Variants in ZCWPW2 observed in about 807,000 individuals in gnomAD.
ZCWPW2 encodes zinc finger CW-type and PWWP domain containing 2.
ZCWPW2 carries 45 observed loss-of-function variants against 46.6 expected under a neutral mutation model. The ratio of observed to expected loss-of-function variants is 0.96; its 90% CI spans 0.76 to 1.24. The LOEUF (loss-of-function observed/expected upper bound fraction) is 1.24, where lower values mean the gene tolerates loss of function less well. Among genes scored for constraint, ZCWPW2 ranks in the 50% most tolerant of loss-of-function variants. The pLI, the probability that ZCWPW2 is intolerant of heterozygous loss-of-function variation, is 0.00. For missense variants in ZCWPW2, 429 were observed against 403.9 expected, an observed-to-expected ratio of 1.06 and a Z score of -0.53; for synonymous variants, 152 against 137.1, an observed-to-expected ratio of 1.11 and a Z score of -0.76.
chr3:28,369,742 C>T (rs1171501615), intron 1 of ZCWPW2, among the ~76,000 whole-genome samples: 1 of 152,160 alleles, frequency 6.6e-6, no homozygotes, highest in African/African-American at 2.4e-5. Flanking sequence ...TTCGCTATGC[C>T]CTGCCCGCAG....
intron 1 of ZCWPW2, among the ~76,000 whole-genome samples, chr3:28,353,946 G>A (rs1704641700): frequency 1.3e-5 from 2 of 152,154 alleles, no homozygotes; most frequent in Non-Finnish European, 2.9e-5. Context: ...AGGCTTTGCA[G>A]TTATACTCTT....
intron 4 of ZCWPW2, among the ~76,000 whole-genome samples, chr3:28,470,820 A>AT (rs575101705): frequency 4.0e-5 from 6 of 151,774 alleles, no homozygotes; most frequent in South Asian, 2.1e-4. Context: ...CAACAAAACA[A>AT]TTTTTTTTGA....
At position 28,444,417 on chromosome 3, in the gene ZCWPW2, C is replaced by T. The variant is rs368914407; in HGVS notation, c.492+9148C>T. Among the ~76,000 whole-genome samples, 11 of 152,214 alleles carry T rather than the reference C, an allele frequency of 7.2e-5. No homozygotes were observed. The East Asian group carries it at 1.9e-3, about 27-fold the overall frequency. Reference sequence around the variant, plus strand: ...GTCTCAGGCAGTGTAGGGTTTATCTCCTCAGACAAAGGCAGAAAGGATGAT... The same window carrying T: ...GTCTCAGGCAGTGTAGGGTTTATCTTCTCAGACAAAGGCAGAAAGGATGAT... On this transcript the variant is annotated intron_variant, in intron 4 of 9. Transcript: ENST00000383768.
intron 4 of ZCWPW2, among the ~76,000 whole-genome samples, chr3:28,440,741 A>T (rs1697717920): frequency 6.6e-6 from 1 of 152,202 alleles, no homozygotes; most frequent in Non-Finnish European, 1.5e-5. Flanking sequence ...TGCTGTGTGG[A>T]ATACTATGAT....
chr3:28,355,163 C>G (rs540867514), intron 1 of ZCWPW2, among the ~76,000 whole-genome samples: 1 of 152,162 alleles, frequency 6.6e-6, no homozygotes, highest in Non-Finnish European at 1.5e-5. Flanking sequence ...AGTCTCAGGA[C>G]GCAAAATCAA....
chr3:28,484,871 T>C (rs1271514662), intron 5 of ZCWPW2, among the ~76,000 whole-genome samples: 1 of 152,142 alleles, frequency 6.6e-6, no homozygotes, highest in Admixed American at 6.6e-5. Context: ...TATGGTTGTA[T>C]TGATTTTTCT....
chr3:28,355,934 C>T (rs1704714476), intron 1 of ZCWPW2, among the ~76,000 whole-genome samples: 1 of 152,220 alleles, frequency 6.6e-6, no homozygotes, highest in East Asian at 1.9e-4. Flanking sequence ...AGGACATAGG[C>T]ATGGGCAAGG....
chr3:28,369,133 T>G (rs1705223449), intron 1 of ZCWPW2, among the ~76,000 whole-genome samples: 1 of 152,198 alleles, frequency 6.6e-6, no homozygotes, highest in South Asian at 2.1e-4. Flanking sequence ...AGTAGTTTGA[T>G]CATCTGAAGT....
chr3:28,425,907 C>T lies in ZCWPW2; in HGVS notation c.333-9203C>T, dbSNP rs183760612. The stretch of plus-strand genomic sequence containing the variant: ...GGAGGATCACCTGAGGTTGGGAGTT[C>T]GAGACCAACCTGACCAACATGCAGA... On this transcript the variant is annotated intron_variant, in intron 3 of 9. Coordinates refer to ENST00000383768, the MANE Select transcript of ZCWPW2 (RefSeq NM_001040432.4). Among the ~76,000 whole-genome samples, 442 of 152,056 alleles carry T rather than the reference C, an allele frequency of 2.9e-3. 5 individuals carry two copies. Among genetic ancestry groups the T allele is most frequent in the African/African-American group, 9.8e-3 (407 of 41,490 alleles).
chr3:28,435,009 C>A, intron 3 of ZCWPW2, 101 bp from the exon 4 acceptor site: 1 of 1,236,478 alleles, frequency 8.1e-7, no homozygotes, highest in East Asian at 2.5e-5. Context: ...TGTGAAAAGG[C>A]ATTAAAATTC....
At chr3:28,458,715 G>C (rs1394897988) in intron 4 of ZCWPW2, among the ~76,000 whole-genome samples, 1 of 152,072 alleles carries the variant, frequency 6.6e-6, no homozygotes, top group Non-Finnish European at 1.5e-5. Flanking sequence ...TTTGTAAACT[G>C]GAAAGCCGCA....
chr3:28,386,466 G>T (rs1466787348), intron 1 of ZCWPW2, among the ~76,000 whole-genome samples: 1 of 152,112 alleles, frequency 6.6e-6, no homozygotes, highest in Non-Finnish European at 1.5e-5. Flanking sequence ...TAGATTCATT[G>T]TGTTTGTTTT....
chr3:28,437,135 T>C (rs541772709), intron 4 of ZCWPW2, among the ~76,000 whole-genome samples: 1 of 152,346 alleles, frequency 6.6e-6, no homozygotes, highest in South Asian at 2.1e-4. Flanking sequence ...AAAAATACTG[T>C]ATATTTAGAC....
chr3:28,435,067 T>G, intron 3 of ZCWPW2, 43 bp from the exon 4 acceptor site: 1 of 1,597,684 alleles, frequency 6.3e-7, no homozygotes, highest in Non-Finnish European at 8.5e-7. Context: ...ATGTCTACCT[T>G]TTTAAAAGCA....
At chr3:28,491,630 G>A (rs1293538920) in intron 5 of ZCWPW2, among the ~76,000 whole-genome samples, 1 of 152,054 alleles carries the variant, frequency 6.6e-6, no homozygotes, top group Non-Finnish European at 1.5e-5. Flanking sequence ...CAAGCTGCAT[G>A]ACCTCAGGCA....
At chr3:28,406,221 A>G (rs1696152465) in intron 2 of ZCWPW2, among the ~76,000 whole-genome samples, 1 of 152,244 alleles carries the variant, frequency 6.6e-6, no homozygotes, top group African/African-American at 2.4e-5. Flanking sequence ...TTCTCAGCCT[A>G]CACATATAGT....
At chr3:28,401,808 C>T (rs915677527) in intron 2 of ZCWPW2, among the ~76,000 whole-genome samples, 1 of 151,906 alleles carries the variant, frequency 6.6e-6, no homozygotes. Flanking sequence ...ATTAAATAAC[C>T]TGCTCCTGAA....
At chr3:28,468,468 T>C (rs1698911111) in intron 4 of ZCWPW2, among the ~76,000 whole-genome samples, 1 of 152,038 alleles carries the variant, frequency 6.6e-6, no homozygotes, top group Non-Finnish European at 1.5e-5. Flanking sequence ...GAGAATATTA[T>C]AGGATATCAA....
chr3:28,424,228 A>AACAC (rs55725925), intron 3 of ZCWPW2, among the ~76,000 whole-genome samples: 24,093 of 138,718 alleles, frequency 0.17, 2,099 homozygotes, highest in Admixed American at 0.25. Context: ...GTCTTATTCC[A>AACAC]ACACACACAC....
Sources: allele counts gnomAD v4.1 joint callset (sites outside exome capture counted in the v4.1 genomes callset), GRCh38; gene constraint gnomAD v4.1.1; transcripts MANE v1.5; gene names NCBI Gene and HGNC (gene_info 2026-07-23, HGNC 2026-07-21).